HTR3B: variants seen among roughly 807,000 people sequenced by gnomAD.
The protein encoded by HTR3B is 5-hydroxytryptamine receptor 3B.
HTR3B carries 44 observed loss-of-function variants against 42.8 expected under a neutral mutation model. The ratio of observed to expected loss-of-function variants is 1.03; its 90% CI spans 0.81 to 1.32. The LOEUF (loss-of-function observed/expected upper bound fraction) is 1.32. Ranked by LOEUF, HTR3B falls within the 40% of genes most tolerant of loss-of-function variation. The pLI, the probability that HTR3B is intolerant of heterozygous loss-of-function variation, is 0.00. For synonymous variants in HTR3B, 203 were observed against 209.0 expected, an observed-to-expected ratio of 0.97 and a Z score of 0.25; for missense variants, 527 against 536.5, an observed-to-expected ratio of 0.98 and a Z score of 0.17.
chr11:113,930,462 T>C (rs1950022365), intron 2 of HTR3B, among the ~76,000 whole-genome samples: 1 of 150,308 alleles, frequency 6.7e-6, no homozygotes, highest in Admixed American at 6.7e-5. Flanking sequence ...AAAAAATTGG[T>C]GAGGAGGGTT....
chr11:113,928,360 G>A (rs1949997312), intron 2 of HTR3B, among the ~76,000 whole-genome samples: 1 of 152,072 alleles, frequency 6.6e-6, no homozygotes, highest in Non-Finnish European at 1.5e-5. Flanking sequence ...CCCATTCAAC[G>A]ATAACTTTCC....
intron 6 of HTR3B, among the ~76,000 whole-genome samples, chr11:113,938,501 C>T (rs1565566463): frequency 6.6e-6 from 1 of 152,164 alleles, no homozygotes; most frequent in African/African-American, 2.4e-5. Context: ...CCAGAATCTG[C>T]TGCCTGATCC....
upstream of HTR3B, among the ~76,000 whole-genome samples, chr11:113,901,854 G>A (rs938642653): frequency 6.6e-5 from 10 of 152,206 alleles, no homozygotes; most frequent in Non-Finnish European, 1.3e-4. Context: ...ATGCAATGTC[G>A]ATCATCGCCT....
chr11:113,910,715 C>T (rs1316990844), intron 2 of HTR3B, among the ~76,000 whole-genome samples: 1 of 152,096 alleles, frequency 6.6e-6, no homozygotes, highest in African/African-American at 2.4e-5. Context: ...GCTGGGATTA[C>T]AGGCGTGAGC....
intron 2 of HTR3B, among the ~76,000 whole-genome samples, chr11:113,917,149 T>TTTTA (rs1949862296): frequency 6.6e-6 from 1 of 151,846 alleles, no homozygotes; most frequent in South Asian, 2.1e-4. Flanking sequence ...TTTTTTTTTT[T>TTTTA]GAGATGAAGT....
At chr11:113,919,998 TA>T (rs760260961) in intron 2 of HTR3B, among the ~76,000 whole-genome samples, 11 of 152,036 alleles carry the variant, frequency 7.2e-5, no homozygotes, top group Non-Finnish European at 1.0e-4. Flanking sequence ...ATGGTACCCC[TA>T]AAAATTCCTT....
At chr11:113,917,226 G>A (rs923052886) in intron 2 of HTR3B, among the ~76,000 whole-genome samples, 1 of 150,988 alleles carries the variant, frequency 6.6e-6, no homozygotes, top group African/African-American at 2.4e-5. Context: ...TCCGCTTCCC[G>A]GGTTCAAGTG....
intron 2 of HTR3B, among the ~76,000 whole-genome samples, chr11:113,920,894 C>A (rs141480988): frequency 6.6e-6 from 1 of 151,958 alleles, no homozygotes; most frequent in African/African-American, 2.4e-5. Context: ...CTCACTGCAA[C>A]CTCTGCCTCC....
At position 113,916,886 on chromosome 11, in the gene HTR3B, G is replaced by T. The variant is rs557635676; in HGVS notation, c.213+7431G>T. Among the ~76,000 whole-genome samples the T allele has an allele frequency of 5.3e-5, 8 of 152,208 alleles. No individual in the cohort carries two copies. The East Asian group carries it at 1.2e-3, about 22-fold the overall frequency. ...TCTAGATATTGGTCTGGGATTCTGT[G>T]ACCCTTACATTTCTTTTTCGCTTAA... On this transcript the variant is annotated intron_variant, in intron 2 of 8. Coordinates refer to ENST00000260191, the MANE Select transcript of HTR3B (RefSeq NM_006028.5).
chr11:113,928,881 T>C (rs1950003164), intron 2 of HTR3B, among the ~76,000 whole-genome samples: 11 of 152,218 alleles, frequency 7.2e-5, no homozygotes, highest in Admixed American at 6.5e-4. Context: ...TTCTAATTTA[T>C]GTATAGTCCA....
chr11:113,945,598 C>T (rs1451748732), intron 8 of HTR3B, among the ~76,000 whole-genome samples: 1 of 152,170 alleles, frequency 6.6e-6, no homozygotes, highest in Non-Finnish European at 1.5e-5. Flanking sequence ...AAGAATCATC[C>T]CAGCCCCTAA....
chr11:113,900,766 T>C (rs1270411686), upstream of HTR3B, among the ~76,000 whole-genome samples: 1 of 152,044 alleles, frequency 6.6e-6, no homozygotes, highest in Non-Finnish European at 1.5e-5. Context: ...AAGAAAGTGG[T>C]TTAATTGACC....
At position 113,948,755 on chromosome 11, in the gene HTR3B, C is replaced by T. The variant is rs1028732082; in HGVS notation, c.*2618C>T. On this transcript the variant is annotated 3_prime_UTR_variant, in exon 9 of 9. Transcript: ENST00000260191. ...GCACATGCCTGTAATCCCACCTACT[C>T]GGGGGGCTGAGGCAGGAGAATCGCT... Among the ~76,000 whole-genome samples the T allele has an allele frequency of 1.4e-4, 21 of 151,428 alleles. No homozygotes were observed. The highest frequency in any genetic ancestry group is 4.9e-4 in the African/African-American group (20 of 41,162).
intron 6 of HTR3B, among the ~76,000 whole-genome samples, chr11:113,935,704 A>G (rs924077204): frequency 1.3e-4 from 20 of 152,154 alleles, no homozygotes; most frequent in African/African-American, 4.8e-4. Context: ...TGAAATTCAG[A>G]GCCTGATTCT....
intron 1 of HTR3B, among the ~76,000 whole-genome samples, chr11:113,905,299 G>A (rs997086445): frequency 6.6e-6 from 1 of 152,180 alleles, no homozygotes; most frequent in Non-Finnish European, 1.5e-5. Flanking sequence ...CAGGTTGATT[G>A]AGAGTTTGGG....
At chr11:113,903,428 C>CTTTTTTTTTTT (rs57289369), upstream of HTR3B, among the ~76,000 whole-genome samples, 5 of 121,098 alleles carry the variant, frequency 4.1e-5, no homozygotes, top group Admixed American at 8.8e-5. Flanking sequence ...CTTTTCTTTT[C>CTTTTTTTTTTT]TTTTTTTTTT....
rs192915988 is a variant in HTR3B at position 113,914,101 on chromosome 11, C to T, written c.213+4646C>T. On this transcript the variant is annotated intron_variant, in intron 2 of 8. Transcript: ENST00000260191. ...GGTTTTCAGATACAGGAACAAAAAA[C>T]GGACTAAGACAAAGTCCATTTCAAT... 7.7e-4 allele frequency among the ~76,000 whole-genome samples: 117 copies of T among 151,690 alleles called. 1 individual carries two copies. Among genetic ancestry groups the T allele is most frequent in the African/African-American group, 2.4e-3 (101 of 41,340 alleles).
chr11:113,921,479 C>T lies in HTR3B; in HGVS notation c.214-9905C>T, dbSNP rs184305728. On this transcript the variant is annotated intron_variant, in intron 2 of 8. Coordinates refer to ENST00000260191, the MANE Select transcript of HTR3B (RefSeq NM_006028.5). ...TATTAAGATAAAGAAAATTGCTGGCCGGGCGTGGTGGTGGGCACCTGTAGT... is the reference window on the plus strand; with the variant it reads ...TATTAAGATAAAGAAAATTGCTGGCTGGGCGTGGTGGTGGGCACCTGTAGT... 3.8e-3 allele frequency among the ~76,000 whole-genome samples: 559 copies of T among 147,716 alleles called. 7 individuals are homozygous for T. The highest frequency in any genetic ancestry group is 0.013 in the African/African-American group (496 of 39,570).
At chr11:113,926,509 T>TTTCC (rs1949975766) in intron 2 of HTR3B, among the ~76,000 whole-genome samples, 1 of 147,862 alleles carries the variant, frequency 6.8e-6, no homozygotes, top group African/African-American at 2.5e-5. Flanking sequence ...TTTCCTTTCC[T>TTTCC]TTCCTTTCCT....
Sources: allele counts gnomAD v4.1 joint callset (sites outside exome capture counted in the v4.1 genomes callset), GRCh38; gene constraint gnomAD v4.1.1; transcripts MANE v1.5; gene names NCBI Gene and HGNC (gene_info 2026-07-23, HGNC 2026-07-21).